FBXO28: variants seen among roughly 807,000 people sequenced by gnomAD.
FBXO28 encodes the protein F-box protein 28.
FBXO28 carries 8 observed loss-of-function variants against 38.1 expected under a neutral mutation model. The ratio of observed to expected loss-of-function variants is 0.21; its 90% CI spans 0.12 to 0.38. The LOEUF (loss-of-function observed/expected upper bound fraction) is 0.38. FBXO28 is among the 10% of genes least tolerant of loss of function. The pLI is 1.00. For missense variants in FBXO28, 345 were observed against 460.6 expected (o/e 0.75, Z 2.30); for synonymous variants, 168 against 173.8 (o/e 0.97, Z 0.26).
chr1:224,123,132 C>CT (rs1360974229), intron 1 of FBXO28, among the ~76,000 whole-genome samples: 1 of 151,932 alleles, frequency 6.6e-6, no homozygotes, highest in Non-Finnish European at 1.5e-5. Context: ...GTTCTGGAGT[C>CT]TTAACAAGCA....
chr1:224,119,135 CTTTTTTT>C (rs67458349), intron 1 of FBXO28, among the ~76,000 whole-genome samples: 4 of 109,924 alleles, frequency 3.6e-5, no homozygotes, highest in Admixed American at 2.5e-4. Flanking sequence ...TCTTTTTTTT[CTTTTTTT>C]TTTTTTTTTT....
intron 1 of FBXO28, among the ~76,000 whole-genome samples, chr1:224,120,041 T>C (rs1160380470): frequency 6.6e-6 from 1 of 152,212 alleles, no homozygotes; most frequent in South Asian, 2.1e-4. Context: ...ATCATCATCA[T>C]TTCTTAAAAG....
chr1:224,137,998 C>T lies in FBXO28; in HGVS notation c.516+3786C>T, dbSNP rs187914601. 2.4e-3 allele frequency among the ~76,000 whole-genome samples: 360 copies of T among 151,796 alleles called. 10 individuals are homozygous for T. Among genetic ancestry groups the T allele is most frequent in the African/African-American group, 8.1e-3 (332 of 41,150 alleles). On this transcript the variant is annotated intron_variant, in intron 3 of 4. Transcript: ENST00000366862. The stretch of plus-strand genomic sequence containing the variant: ...ATCCCAGCACTTTGGGAGGCTGAGG[C>T]GGGCAAATCACTTGAGATCAGGAGT...
rs201043643 is a variant in FBXO28, at chr1:224,114,129, G to A, written c.-1G>A. The A allele has an allele frequency of 9.6e-5, 148 of 1,538,752 alleles. 1 individual carries two copies. The highest frequency in any genetic ancestry group is 4.4e-4 in the African/African-American group (32 of 72,854). ...TGGGGGTAAGGAATCAAGCCCCCAA[G>A]ATGGCGGCAGCGGCGGAGGAGCGGA... is the stretch of plus-strand genomic sequence containing the variant. On this transcript the variant is annotated 5_prime_UTR_variant, in exon 1 of 5. Coordinates refer to ENST00000366862, the MANE Select transcript of FBXO28 (RefSeq NM_015176.4).
chr1:224,117,445 A>G (rs554180344), intron 1 of FBXO28, among the ~76,000 whole-genome samples: 3 of 151,804 alleles, frequency 2.0e-5, no homozygotes, highest in African/African-American at 7.2e-5. Context: ...ATTTTATTTT[A>G]TTTTATTTTA....
At chr1:224,116,330 ATTAAT>A (rs1320051025) in intron 1 of FBXO28, among the ~76,000 whole-genome samples, 3 of 152,202 alleles carry the variant, frequency 2.0e-5, no homozygotes, top group Non-Finnish European at 2.9e-5. Flanking sequence ...AGGTGTCAGC[ATTAAT>A]TTAATTATGA....
At chr1:224,137,935 G>T (rs1424133252) in intron 3 of FBXO28, among the ~76,000 whole-genome samples, 1 of 151,738 alleles carries the variant, frequency 6.6e-6, no homozygotes, top group Non-Finnish European at 1.5e-5. Context: ...ATATTGATAG[G>T]GCATTAAAAG....
chr1:224,136,133 G>A (rs780475387), intron 3 of FBXO28, among the ~76,000 whole-genome samples: 8 of 68,724 alleles, frequency 1.2e-4, no homozygotes, highest in African/African-American at 2.7e-4. Context: ...AGATGGTGTC[G>A]TGCTGTGTCA....
chr1:224,114,456 A>G (rs1572001200), intron 1 of FBXO28, 60 bp downstream of exon 1: 1 of 1,140,272 alleles, frequency 8.8e-7, no homozygotes, highest in Non-Finnish European at 1.2e-6. Flanking sequence ...GGGAGATGAG[A>G]AGGGAGCGCG....
At chr1:224,128,873 C>G in intron 1 of FBXO28, among the ~76,000 whole-genome samples, 1 of 149,474 alleles carries the variant, frequency 6.7e-6, no homozygotes, top group South Asian at 2.1e-4. Context: ...GTTGTCTCAG[C>G]TACTTGGGAG....
rs929176659 is a variant in FBXO28, at chr1:224,138,851, G to A, written c.516+4639G>A. ...CACCTCAGCCTCCAGCTGGAGTCTC[G>A]GCTTACTGCAACCTCCGCCTCCTGG... On this transcript the variant is annotated intron_variant, in intron 3 of 4. Coordinates refer to ENST00000366862, the MANE Select transcript of FBXO28 (RefSeq NM_015176.4). Among the ~76,000 whole-genome samples, 6 of 151,566 alleles carry A rather than the reference G, an allele frequency of 4.0e-5. 1 individual carries two copies. Among genetic ancestry groups the A allele is most frequent in the African/African-American group, 7.3e-5 (3 of 40,988 alleles).
At chr1:224,150,439 A>T (rs922960184) in intron 3 of FBXO28, among the ~76,000 whole-genome samples, 4 of 151,796 alleles carry the variant, frequency 2.6e-5, no homozygotes, top group Non-Finnish European at 5.9e-5. Context: ...AATATCAGTC[A>T]GTATGAAGGA....
chr1:224,128,139 C>T (rs923615408), intron 1 of FBXO28, among the ~76,000 whole-genome samples: 9 of 151,892 alleles, frequency 5.9e-5, no homozygotes, highest in East Asian at 1.9e-4. Flanking sequence ...ATCAGCATTT[C>T]GTTTCAACAA....
Position 224,157,880 on chromosome 1 carries a change from T to C in FBXO28, c.*134T>C. On this transcript the variant is annotated 3_prime_UTR_variant, in exon 5 of 5. Coordinates refer to ENST00000366862, the MANE Select transcript of FBXO28 (RefSeq NM_015176.4). ...CAGAACACAACTTAAACTTGAACTC[T>C]TATGGTTGGGACATTCTTTTCCTGC... 1 of 1,434,426 alleles carries C rather than the reference T, an allele frequency of 7.0e-7. No homozygotes were observed. The highest frequency in any genetic ancestry group is 9.1e-7 in the Non-Finnish European group (1 of 1,100,506). The allele number at this position is 1,434,426 out of a possible 1,614,324, so 88.9% of individuals were successfully genotyped here.
intron 1 of FBXO28, among the ~76,000 whole-genome samples, chr1:224,127,148 A>C (rs1206193021): frequency 6.7e-6 from 1 of 148,930 alleles, no homozygotes; most frequent in Non-Finnish European, 1.5e-5. Context: ...CACAGGGTCC[A>C]TAAGATGTAA....
At chr1:224,123,882 G>A (rs1299881052) in intron 1 of FBXO28, among the ~76,000 whole-genome samples, 2 of 152,224 alleles carry the variant, frequency 1.3e-5, no homozygotes, top group Non-Finnish European at 2.9e-5. Flanking sequence ...ACTGAGGCGA[G>A]TGGATCACCT....
chr1:224,118,640 G>A (rs1415115267), intron 1 of FBXO28, among the ~76,000 whole-genome samples: 3 of 152,110 alleles, frequency 2.0e-5, no homozygotes, highest in African/African-American at 7.2e-5. Context: ...CTTCAAATAT[G>A]TTAGAAAATT....
intron 1 of FBXO28, among the ~76,000 whole-genome samples, chr1:224,128,467 TAAAC>T (rs557786672): frequency 1.8e-4 from 28 of 152,244 alleles, no homozygotes; most frequent in East Asian, 1.7e-3. Flanking sequence ...AGTACTAAGA[TAAAC>T]AAAGTTTATT....
chr1:224,114,546 T>C (rs1038514125), intron 1 of FBXO28, 150 bp downstream of exon 1: 1 of 676,982 alleles, frequency 1.5e-6, no homozygotes, highest in Admixed American at 3.2e-5. Context: ...GAACTCTCCC[T>C]TGGCGTCAGT....
Sources: allele counts gnomAD v4.1 joint callset (sites outside exome capture counted in the v4.1 genomes callset), GRCh38; gene constraint gnomAD v4.1.1; transcripts MANE v1.5; gene names NCBI Gene and HGNC (gene_info 2026-07-23, HGNC 2026-07-21).